Variants in PRDM1 observed in about 807,000 individuals in gnomAD.
PRDM1 encodes the protein PR domain zinc finger protein 1.
In PRDM1, 13 loss-of-function variants were observed where a neutral mutation model predicts 62.8. The observed-to-expected ratio is 0.21, with a 90% CI of 0.13 to 0.33. The LOEUF (loss-of-function observed/expected upper bound fraction) is 0.33, where lower values mean the gene tolerates loss of function less well. Ranked by LOEUF, PRDM1 falls within the 10% of genes least tolerant of loss-of-function variation. The pLI is 1.00. For missense variants in PRDM1, 895 were observed against 1,058.8 expected, an observed-to-expected ratio of 0.85 and a Z score of 2.15; for synonymous variants, 396 against 417.6, an observed-to-expected ratio of 0.95 and a Z score of 0.63.
In PRDM1 at chr6:106,105,232, A is replaced by G. The variant is rs1316463434; in HGVS notation, c.1072A>G (p.Asn358Asp). The change falls in exon 5 of 7, where the codon AAT becomes GAT. Residue 358 changes from asparagine to aspartate, a missense_variant. Transcript: ENST00000369096. ...KSSSPHSSPG[N>D]TVSPVGPGSQ... ...CTCCAGCCCTCACAGCAGCCCTGGG[A>G]ATACGGTGTCCCCTGTGGGCCCCGG... 6.2e-7 allele frequency: 1 copy of G among 1,613,772 alleles called. No homozygotes were observed.
chr6:106,052,776 T>A (rs1582440488), intron 1 of PRDM1, among the ~76,000 whole-genome samples: 1 of 151,982 alleles, frequency 6.6e-6, no homozygotes, highest in Non-Finnish European at 1.5e-5. Context: ...ATCGAGACCA[T>A]CCTGGCCAAC....
upstream of PRDM1, among the ~76,000 whole-genome samples, chr6:106,044,084 A>G (rs987065788): frequency 1.1e-4 from 17 of 151,906 alleles, no homozygotes; most frequent in African/African-American, 3.9e-4. Flanking sequence ...CTCAATCTAT[A>G]TTGTTAAAGT....
intron 1 of PRDM1, among the ~76,000 whole-genome samples, chr6:106,064,946 A>T (rs1773408949): frequency 6.6e-6 from 1 of 152,086 alleles, no homozygotes; most frequent in South Asian, 2.1e-4. Context: ...CTCTGCTGTT[A>T]GTCTATCTGG....
At chr6:106,091,538 G>C (rs1275614858) in intron 2 of PRDM1, among the ~76,000 whole-genome samples, 2 of 152,212 alleles carry the variant, frequency 1.3e-5, no homozygotes, top group African/African-American at 4.8e-5. Flanking sequence ...CCAGCACTTT[G>C]GGAGGCTGAG....
At chr6:106,104,684 AGAGTGC>A in intron 4 of PRDM1, 135 bp from the exon 5 acceptor site, 1 of 1,087,430 alleles carries the variant, frequency 9.2e-7, no homozygotes, top group Non-Finnish European at 1.3e-6. Flanking sequence ...TTCTAGAATG[AGAGTGC>A]GTTGGAAGCC....
Position 106,108,899 on chromosome 6 carries a change from C to T in PRDM1, c.*1413C>T, listed in dbSNP as rs537270690. The T allele has an allele frequency of 6.5e-4, 150 of 230,786 alleles. 1 individual carries two copies. The highest frequency in any genetic ancestry group is 3.3e-4 in the Non-Finnish European group (38 of 116,406). 14.3% of individuals were successfully genotyped at this position (230,786 alleles called of 1,614,324 possible). The stretch of plus-strand genomic sequence containing the variant: ...AGAGGAGAAACCGAGTAAATGTGCT[C>T]CAGCAAGATAGACTTTGTGTTATTC... On this transcript the variant is annotated 3_prime_UTR_variant, in exon 7 of 7. Coordinates refer to ENST00000369096, the MANE Select transcript of PRDM1 (RefSeq NM_001198.4).
At chr6:105,998,502 T>C (rs1046262386) in intron 1 of PRDM1, among the ~76,000 whole-genome samples, 4 of 152,242 alleles carry the variant, frequency 2.6e-5, no homozygotes, top group Non-Finnish European at 5.9e-5. Flanking sequence ...AACGTTTTGC[T>C]TGATAGGAAG....
intron 3 of PRDM1, 140 bp downstream of exon 3, chr6:106,095,874 G>C: frequency 1.1e-5 from 10 of 913,966 alleles, no homozygotes; most frequent in Non-Finnish European, 1.6e-5. Flanking sequence ...CATGGACACA[G>C]GGAATTCTGA....
At chr6:105,996,550 A>G (rs1772350795) in intron 1 of PRDM1, among the ~76,000 whole-genome samples, 1 of 152,130 alleles carries the variant, frequency 6.6e-6, no homozygotes, top group Admixed American at 6.5e-5. Context: ...TTTCTATAGC[A>G]TTCAACTCCT....
At chr6:106,090,541 T>C (rs1391053801) in intron 2 of PRDM1, among the ~76,000 whole-genome samples, 2 of 152,236 alleles carry the variant, frequency 1.3e-5, no homozygotes, top group Admixed American at 6.5e-5. Flanking sequence ...TTTTGAACTT[T>C]GGGAAAGGAC....
chr6:105,998,152 G>A lies in PRDM1; in HGVS notation c.-67+4513G>A, dbSNP rs192394320. Reference sequence around the variant, plus strand: ...TTTGCTCTTATAGATAAACATTGCTGCCTTTCACAGCATTTCACATTTGAA... The same window carrying A: ...TTTGCTCTTATAGATAAACATTGCTACCTTTCACAGCATTTCACATTTGAA... On this transcript the variant is annotated intron_variant, in intron 1 of 6. Transcript: ENST00000652320. Among the ~76,000 whole-genome samples, 5 of 152,216 alleles carry A rather than the reference G, an allele frequency of 3.3e-5. No individual in the cohort carries two copies. In the East Asian group the frequency reaches 9.6e-4, roughly 29 times the overall value.
intron 1 of PRDM1, among the ~76,000 whole-genome samples, chr6:106,033,157 A>G (rs1255294844): frequency 6.6e-6 from 1 of 151,984 alleles, no homozygotes; most frequent in Non-Finnish European, 1.5e-5. Flanking sequence ...CTGTTTTTTA[A>G]GAGACTGAGT....
At chr6:106,034,526 T>A (rs1001651652) in intron 1 of PRDM1, among the ~76,000 whole-genome samples, 5 of 151,980 alleles carry the variant, frequency 3.3e-5, no homozygotes, top group Non-Finnish European at 5.9e-5. Context: ...TGTTTTAAAT[T>A]TCTACAAATT....
At chr6:105,998,933 A>ATTTTT (rs754830624) in intron 1 of PRDM1, among the ~76,000 whole-genome samples, 13 of 6,384 alleles carry the variant, frequency 2.0e-3, no homozygotes, top group Admixed American at 3.4e-3. Flanking sequence ...ATATATATAT[A>ATTTTT]TTTTTTTTTT....
In PRDM1 at chr6:106,105,142, C is replaced by T. The variant is rs1175567617; in HGVS notation, c.982C>T (p.Pro328Ser). 6.2e-6 allele frequency: 10 copies of T among 1,613,254 alleles called. No individual in the cohort carries two copies. The Admixed American group carries it at 6.7e-5, about 11-fold the overall frequency. The change falls in exon 5 of 7, where the codon CCC becomes TCC. Residue 328 changes from proline (P) to serine (S), a missense_variant. By Grantham distance (74) the Pro-to-Ser change is moderately conservative. This residue lies in a region of PRDM1 where 444 missense variants were observed against 422.7 expected (regional missense o/e 1.05). Coordinates refer to ENST00000369096, the MANE Select transcript of PRDM1 (RefSeq NM_001198.4). Reference sequence around the variant, plus strand: ...GAGACCCACGTACATCACTCGCTCCCCCATTCCATCCTCCACCACTCCAAG... The same window carrying T: ...GAGACCCACGTACATCACTCGCTCCTCCATTCCATCCTCCACCACTCCAAG... ...IERPTYITRS[P>S]IPSSTTPSPS...
intron 3 of PRDM1, 128 bp from the exon 4 acceptor site, chr6:106,099,172 G>A (rs566298038): frequency 2.2e-5 from 35 of 1,603,818 alleles, no homozygotes; most frequent in Admixed American, 6.7e-5. Flanking sequence ...AAACTGATTG[G>A]ATTCTTTTTC....
chr6:106,054,463 G>C (rs1773232352), intron 1 of PRDM1, among the ~76,000 whole-genome samples: 2 of 151,828 alleles, frequency 1.3e-5, no homozygotes, highest in Non-Finnish European at 2.9e-5. Flanking sequence ...TCAGTATTTG[G>C]CTTTTTTTCA....
At chr6:106,034,752 C>T (rs1182142299) in intron 1 of PRDM1, among the ~76,000 whole-genome samples, 1 of 150,520 alleles carries the variant, frequency 6.6e-6, no homozygotes, top group African/African-American at 2.4e-5. Context: ...CTGTCTCAGC[C>T]TCCCAAGTAG....
At chr6:106,028,873 T>G (rs1772800007) in intron 1 of PRDM1, among the ~76,000 whole-genome samples, 1 of 152,134 alleles carries the variant, frequency 6.6e-6, no homozygotes, top group Non-Finnish European at 1.5e-5. Context: ...TTCTAGAATT[T>G]TTCTAGGTTG....
Sources: gnomAD v4.1 joint callset for allele counts (sites outside exome capture counted in the v4.1 genomes callset) on GRCh38, gnomAD v4.1.1 for gene constraint, gnomAD v4.1.1 regional missense constraint, MANE v1.5 for transcripts, NCBI Gene and HGNC (gene_info 2026-07-23, HGNC 2026-07-21) for gene names.